The following SRGAP2B variants were observed in gnomAD, a reference collection of about 807,000 sequenced individuals.
SRGAP2B encodes the protein SLIT-ROBO Rho GTPase-activating protein 2B.
Under a neutral mutation model 22.2 loss-of-function variants are expected in SRGAP2B, and 9 were observed. The ratio of observed to expected loss-of-function variants is 0.41; its 90% confidence interval spans 0.24 to 0.71. The LOEUF (loss-of-function observed/expected upper bound fraction) is 0.71, where lower values mean the gene tolerates loss of function less well. SRGAP2B is among the 30% of genes least tolerant of loss of function. The pLI, the probability that SRGAP2B is intolerant of heterozygous loss-of-function variation, is 0.35. For missense variants in SRGAP2B, 114 were observed against 235.8 expected (o/e 0.48, Z 3.38); for synonymous variants, 36 against 87.4 (o/e 0.41, Z 3.28).
At chr1:145,087,995 CCT>C (rs1373112235) in intron 2 of SRGAP2B, among the ~76,000 whole-genome samples, 1 of 150,668 alleles carries the variant, frequency 6.6e-6, no homozygotes, top group Non-Finnish European at 1.5e-5. Flanking sequence ...TGTTTTTTCC[CCT>C]GAGCAAGGGA....
intron 2 of SRGAP2B, among the ~76,000 whole-genome samples, chr1:145,007,802 C>CTTTTTTT (rs880001624): frequency 5.2e-4 from 53 of 101,162 alleles, no homozygotes; most frequent in Middle Eastern, 0.013. Context: ...ATTTCTTCTT[C>CTTTTTTT]TTTTTTTTTT....
At chr1:145,009,049 C>T (rs1256280395) in intron 2 of SRGAP2B, among the ~76,000 whole-genome samples, 4 of 146,014 alleles carry the variant, frequency 2.7e-5, no homozygotes, top group Non-Finnish European at 3.0e-5. Flanking sequence ...TGGTGGCGGG[C>T]GCCTGTAGTC....
intron 3 of SRGAP2B, among the ~76,000 whole-genome samples, chr1:144,992,147 G>A (rs1670296062): frequency 6.7e-6 from 1 of 150,214 alleles, no homozygotes; most frequent in African/African-American, 2.5e-5. Flanking sequence ...TCACCGTGAA[G>A]GTCTGCAGCT....
chr1:145,073,208 G>A (rs1652276966), intron 2 of SRGAP2B, among the ~76,000 whole-genome samples: 1 of 150,196 alleles, frequency 6.7e-6, no homozygotes, highest in Non-Finnish European at 1.5e-5. Flanking sequence ...GCACGTAAGA[G>A]GGGTGTCATC....
At chr1:144,956,757 C>T (rs1553610409) in intron 3 of SRGAP2B, among the ~76,000 whole-genome samples, 1 of 150,046 alleles carries the variant, frequency 6.7e-6, no homozygotes, top group Non-Finnish European at 1.5e-5. Context: ...CCTAGATGCT[C>T]ATTTCTAATG....
chr1:145,085,763 C>CACA (rs1302927451), intron 2 of SRGAP2B, among the ~76,000 whole-genome samples: 1 of 148,138 alleles, frequency 6.8e-6, no homozygotes, highest in African/African-American at 2.6e-5. Flanking sequence ...CTCTGCCTCC[C>CACA]AGGTTCAAGT....
chr1:144,924,768 G>A (rs1365185929), intron 4 of SRGAP2B, among the ~76,000 whole-genome samples: 1 of 140,998 alleles, frequency 7.1e-6, no homozygotes, highest in African/African-American at 2.8e-5. Flanking sequence ...GTATCTACCC[G>A]CAGTTGTCAG....
At chr1:144,930,514 G>A (rs1558757843) in intron 4 of SRGAP2B, among the ~76,000 whole-genome samples, 2 of 143,440 alleles carry the variant, frequency 1.4e-5, no homozygotes, top group African/African-American at 2.7e-5. Flanking sequence ...ACCAAATGGA[G>A]GAACTCTACA....
At chr1:144,952,936 G>A (rs1666990432) in intron 4 of SRGAP2B, among the ~76,000 whole-genome samples, 1 of 147,958 alleles carries the variant, frequency 6.8e-6, no homozygotes, top group Non-Finnish European at 1.5e-5. Flanking sequence ...ATGGTGCTTG[G>A]CTCAATCTAT....
intron 2 of SRGAP2B, among the ~76,000 whole-genome samples, chr1:145,017,174 C>T (rs1415996947): frequency 2.8e-5 from 4 of 144,676 alleles, no homozygotes; most frequent in Admixed American, 6.9e-5. Flanking sequence ...AAGCGATCTG[C>T]CCAACTCAGC....
intron 4 of SRGAP2B, among the ~76,000 whole-genome samples, chr1:144,925,720 G>GAAA (rs1664635056): frequency 8.2e-6 from 1 of 121,984 alleles, no homozygotes; most frequent in South Asian, 2.6e-4. Context: ...GAGAGAGAGA[G>GAAA]AGAAAGAAAA....
At chr1:144,998,891 C>A in intron 2 of SRGAP2B, among the ~76,000 whole-genome samples, 1 of 151,008 alleles carries the variant, frequency 6.6e-6, no homozygotes, top group South Asian at 2.1e-4. Flanking sequence ...AGTCCCCGTT[C>A]ATGCACACAA....
chr1:144,932,003 CT>C (rs1455547386), intron 4 of SRGAP2B, among the ~76,000 whole-genome samples: 20 of 144,726 alleles, frequency 1.4e-4, no homozygotes, highest in African/African-American at 5.3e-4. Flanking sequence ...ACAATGGGGG[CT>C]TTCAGGAGTC....
Position 145,022,754 on chromosome 1 carries a change from A to G in SRGAP2B, c.68-27554T>C, listed in dbSNP as rs1366711643. 2.7e-5 allele frequency among the ~76,000 whole-genome samples: 4 copies of G among 150,146 alleles called. 1 individual carries two copies. Among genetic ancestry groups the G allele is most frequent in the African/African-American group, 7.5e-5 (3 of 39,880 alleles). On this transcript the variant is annotated intron_variant, in intron 2 of 9. Coordinates refer to ENST00000612199, the Ensembl canonical transcript of SRGAP2B. ...TTGCTGCTGCCTTGGAAGATGATTAAAAGCAGGACAGGCAGAAAGATGATG... is the reference window on the plus strand; with the variant it reads ...TTGCTGCTGCCTTGGAAGATGATTAGAAGCAGGACAGGCAGAAAGATGATG...
chr1:144,925,552 G>A (rs1372311409), intron 4 of SRGAP2B, among the ~76,000 whole-genome samples: 1 of 143,670 alleles, frequency 7.0e-6, no homozygotes, highest in Admixed American at 6.8e-5. Flanking sequence ...GCTGAGGTGG[G>A]AGAACTGCTT....
chr1:144,992,426 C>T (rs1670321154), intron 3 of SRGAP2B, among the ~76,000 whole-genome samples: 1 of 150,404 alleles, frequency 6.6e-6, no homozygotes, highest in Admixed American at 6.6e-5. Context: ...AAATCAAATG[C>T]TATTTTAAAT....
intron 4 of SRGAP2B, among the ~76,000 whole-genome samples, chr1:144,934,023 C>T (rs377682176): frequency 1.6e-4 from 24 of 149,300 alleles, no homozygotes; most frequent in Non-Finnish European, 2.8e-4. Flanking sequence ...AGCTGAACAA[C>T]AGGAATTTGG....
intron 3 of SRGAP2B, among the ~76,000 whole-genome samples, chr1:144,975,362 A>G (rs1407096195): frequency 1.3e-5 from 2 of 149,530 alleles, no homozygotes; most frequent in Non-Finnish European, 2.9e-5. Context: ...TTTGATTGCA[A>G]TTGCAAGTGG....
At chr1:145,017,457 C>A (rs1438796234) in intron 2 of SRGAP2B, among the ~76,000 whole-genome samples, 2 of 148,488 alleles carry the variant, frequency 1.3e-5, no homozygotes, top group Non-Finnish European at 3.0e-5. Context: ...TCCTTTTCAA[C>A]AAAGTAGTCT....
Sources: allele counts gnomAD v4.1 joint callset (sites outside exome capture counted in the v4.1 genomes callset), GRCh38; gene constraint gnomAD v4.1.1; transcripts MANE v1.5; gene names NCBI Gene and HGNC (gene_info 2026-07-23, HGNC 2026-07-21).